Variants in SEMA3D observed in about 807,000 individuals in gnomAD.
SEMA3D encodes the protein semaphorin-3D.
In SEMA3D, 84 loss-of-function variants were observed where a neutral mutation model predicts 100.1. That is an observed-to-expected ratio of 0.84 (90% CI 0.70 to 1.01). The LOEUF is 1.01. Among genes scored for constraint, SEMA3D ranks in the 50% least tolerant of loss-of-function variants. The pLI is 0.00. For synonymous variants in SEMA3D, 312 were observed against 320.7 expected (o/e 0.97, Z 0.29); for missense variants, 875 against 934.1 (o/e 0.94, Z 0.82).
intron 3 of SEMA3D, among the ~76,000 whole-genome samples, chr7:85,118,189 T>C (rs1789300286): frequency 6.6e-6 from 1 of 152,130 alleles, no homozygotes; most frequent in African/African-American, 2.4e-5. Flanking sequence ...TACTGGAGTT[T>C]TCATTATTTT....
intron 2 of SEMA3D, among the ~76,000 whole-genome samples, chr7:85,132,424 G>A (rs1412629536): frequency 3.3e-5 from 5 of 151,796 alleles, no homozygotes; most frequent in African/African-American, 1.2e-4. Context: ...TCTTGAACAT[G>A]CCAGTATTAT....
At chr7:85,110,078 GAACA>G (rs1388840774) in intron 3 of SEMA3D, among the ~76,000 whole-genome samples, 2 of 151,914 alleles carry the variant, frequency 1.3e-5, no homozygotes, top group African/African-American at 4.8e-5. Flanking sequence ...CCTGCTAGGA[GAACA>G]TAGATGATCA....
In SEMA3D at chr7:85,101,440, G is replaced by A. The variant is rs117688767; in HGVS notation, c.152-3475C>T. Among the ~76,000 whole-genome samples the A allele has an allele frequency of 9.8e-3, 1,482 of 151,992 alleles. 14 individuals are homozygous for A. The highest frequency in any genetic ancestry group is 0.017 in the Non-Finnish European group (1,152 of 67,920). ...GTAAGAATATGAATTTTAGGTTCAGGCCACCAGGGCATTATCCTGCCTCCC... is the reference window on the plus strand; with the variant it reads ...GTAAGAATATGAATTTTAGGTTCAGACCACCAGGGCATTATCCTGCCTCCC... On this transcript the variant is annotated intron_variant, in intron 3 of 18. Transcript: ENST00000284136.
chr7:85,155,886 A>C (rs1790580975), intron 1 of SEMA3D, among the ~76,000 whole-genome samples: 1 of 152,112 alleles, frequency 6.6e-6, no homozygotes, highest in Admixed American at 6.5e-5. Context: ...TGAATGAACA[A>C]TATGACTTAT....
rs1268681828 is a variant in SEMA3D, at chr7:85,096,661, C to T, written c.312+1144G>A. Among the ~76,000 whole-genome samples, 6 of 151,908 alleles carry T rather than the reference C, an allele frequency of 3.9e-5. No individual in the cohort carries two copies. The East Asian group carries it at 1.2e-3, about 30-fold the overall frequency. On this transcript the variant is annotated intron_variant, in intron 4 of 18. Transcript: ENST00000284136. Reference sequence around the variant, plus strand: ...AAAGAATTACTTAAAAGTTAATTGACTAAAAACCAAATATCATTGTTCTAT... The same window carrying T: ...AAAGAATTACTTAAAAGTTAATTGATTAAAAACCAAATATCATTGTTCTAT...
At chr7:85,016,996 C>A (rs990793761) in intron 15 of SEMA3D, among the ~76,000 whole-genome samples, 1 of 151,572 alleles carries the variant, frequency 6.6e-6, no homozygotes, top group Admixed American at 6.6e-5. Flanking sequence ...TGTGCCTAAT[C>A]TTGTTCTGTC....
intron 1 of SEMA3D, among the ~76,000 whole-genome samples, chr7:85,172,030 A>C (rs2116549991): frequency 6.6e-6 from 1 of 151,910 alleles, no homozygotes; most frequent in East Asian, 1.9e-4. Flanking sequence ...ACATATATAG[A>C]CACACATATG....
chr7:85,038,708 A>G (rs1790771921), intron 11 of SEMA3D, among the ~76,000 whole-genome samples: 1 of 152,174 alleles, frequency 6.6e-6, no homozygotes, highest in South Asian at 2.1e-4. Context: ...TGCCAAGAGA[A>G]CTAGGATTGA....
At chr7:85,242,843 T>TA in the SEMA3D span, among the ~76,000 whole-genome samples, 2 of 152,160 alleles carry the variant, frequency 1.3e-5, no homozygotes, top group African/African-American at 4.8e-5. Context: ...TATCTGAAAT[T>TA]AAAAAAATGA....
intron 12 of SEMA3D, among the ~76,000 whole-genome samples, chr7:85,023,321 T>A (rs139025556): frequency 1.3e-4 from 20 of 151,890 alleles, no homozygotes; most frequent in Admixed American, 1.3e-3. Flanking sequence ...ATGAATTTTA[T>A]GTGCCTTTAT....
At chr7:85,026,558 A>G (rs896717298) in intron 12 of SEMA3D, among the ~76,000 whole-genome samples, 4 of 152,088 alleles carry the variant, frequency 2.6e-5, no homozygotes, top group African/African-American at 9.6e-5. Flanking sequence ...TGTAGTTTTC[A>G]GTCTCCTTTG....
intron 14 of SEMA3D, among the ~76,000 whole-genome samples, 178 bp from the exon 15 acceptor site, chr7:85,018,471 A>G (rs1790167091): frequency 6.6e-6 from 1 of 151,780 alleles, no homozygotes; most frequent in South Asian, 2.1e-4. Flanking sequence ...TTGTACCTTA[A>G]CAGAAATGAT....
intron 9 of SEMA3D, among the ~76,000 whole-genome samples, chr7:85,044,527 A>G (rs1286020524): frequency 6.6e-6 from 1 of 152,146 alleles, no homozygotes; most frequent in Admixed American, 6.6e-5. Flanking sequence ...ATTCAATAGA[A>G]TATTTCATGT....
At chr7:85,213,497 T>C in the SEMA3D span, among the ~76,000 whole-genome samples, 9 of 152,106 alleles carry the variant, frequency 5.9e-5, no homozygotes, top group Admixed American at 5.2e-4. Flanking sequence ...TTTATTGTTA[T>C]TGATTGATTA....
chr7:85,164,299 T>C (rs1263406905), intron 1 of SEMA3D, among the ~76,000 whole-genome samples: 1 of 152,136 alleles, frequency 6.6e-6, no homozygotes, highest in East Asian at 1.9e-4. Flanking sequence ...TTATTTAAAC[T>C]AGTTGTTATT....
At chr7:85,146,208 G>A (rs539691236) in intron 2 of SEMA3D, among the ~76,000 whole-genome samples, 17 of 152,172 alleles carry the variant, frequency 1.1e-4, no homozygotes, top group African/African-American at 4.1e-4. Flanking sequence ...ATACACATAT[G>A]TATACATATA....
In SEMA3D at chr7:85,053,670, A is replaced by T. The variant is rs75630249; in HGVS notation, c.861+2047T>A. Reference sequence around the variant, plus strand: ...ATGGGCAGCATGTGATGCAACTGAGAAACTGCAAAGAAAGCATTTAGAACC... The same window carrying T: ...ATGGGCAGCATGTGATGCAACTGAGTAACTGCAAAGAAAGCATTTAGAACC... On this transcript the variant is annotated intron_variant, in intron 9 of 18. Coordinates refer to ENST00000284136, the MANE Select transcript of SEMA3D (RefSeq NM_001384900.1). Among the ~76,000 whole-genome samples, 189 of 152,168 alleles carry T rather than the reference A, an allele frequency of 1.2e-3. 1 individual carries two copies. In the East Asian group the frequency reaches 0.02, roughly 16 times the overall value.
intron 18 of SEMA3D, among the ~76,000 whole-genome samples, chr7:85,002,276 T>C (rs1037423720): frequency 1.3e-5 from 2 of 152,180 alleles, no homozygotes; most frequent in African/African-American, 4.8e-5. Context: ...ACAGATATCA[T>C]ACTTGATTTA....
intron 2 of SEMA3D, among the ~76,000 whole-genome samples, chr7:85,144,223 A>C (rs916979215): frequency 2.6e-5 from 4 of 152,124 alleles, no homozygotes; most frequent in Non-Finnish European, 5.9e-5. Flanking sequence ...GCTGAATTTT[A>C]TTAGCAATAA....
Sources: gnomAD v4.1 joint callset for allele counts (sites outside exome capture counted in the v4.1 genomes callset) on GRCh38, gnomAD v4.1.1 for gene constraint, MANE v1.5 for transcripts, NCBI Gene and HGNC (gene_info 2026-07-23, HGNC 2026-07-21) for gene names.